Variants in RPS6KA2 observed in about 807,000 individuals in gnomAD.
RPS6KA2 encodes ribosomal protein S6 kinase alpha-2.
In RPS6KA2, 42 loss-of-function variants were observed where a neutral mutation model predicts 91.8. That is an observed-to-expected ratio of 0.46 (90% CI 0.36 to 0.59). The LOEUF (loss-of-function observed/expected upper bound fraction) is 0.59. Ranked by LOEUF, RPS6KA2 falls within the 20% of genes least tolerant of loss-of-function variation. RPS6KA2 has a pLI of 0.00. For missense variants in RPS6KA2, 798 were observed against 978.5 expected, an observed-to-expected ratio of 0.82 and a Z score of 2.46; for synonymous variants, 414 against 393.6, an observed-to-expected ratio of 1.05 and a Z score of -0.61.
intron 2 of RPS6KA2, among the ~76,000 whole-genome samples, chr6:166,537,136 A>T (rs1475504803): frequency 6.6e-6 from 1 of 152,258 alleles, no homozygotes; most frequent in African/African-American, 2.4e-5. Context: ...CATGGGATGT[A>T]TTCCAGCGCT....
chr6:166,631,658 G>A (rs529564927), upstream of RPS6KA2, among the ~76,000 whole-genome samples: 21 of 152,268 alleles, frequency 1.4e-4, no homozygotes, highest in East Asian at 3.3e-3. Flanking sequence ...CTCTGCCTGG[G>A]GCACTCTGGT....
chr6:166,488,437 T>C (rs1483705421), intron 10 of RPS6KA2, among the ~76,000 whole-genome samples: 2 of 152,186 alleles, frequency 1.3e-5, no homozygotes, highest in Non-Finnish European at 2.9e-5. Flanking sequence ...GTAGTTAAAG[T>C]AGATCCTGAT....
At chr6:166,469,947 T>G in intron 10 of RPS6KA2, 42 bp from the exon 11 acceptor site, 141 of 1,536,148 alleles carry the variant, frequency 9.2e-5, no homozygotes, top group Non-Finnish European at 1.1e-4. Context: ...AAATCCAAGA[T>G]GGGGTTCTCT....
intron 1 of RPS6KA2, among the ~76,000 whole-genome samples, chr6:166,621,495 T>G (rs569804957): frequency 3.9e-5 from 6 of 152,340 alleles, no homozygotes; most frequent in Non-Finnish European, 5.9e-5. Flanking sequence ...TTGTTGATAA[T>G]TTTTACTTAT....
chr6:166,714,687 A>G (rs558422930), intron 2 of RPS6KA2, among the ~76,000 whole-genome samples: 1 of 152,186 alleles, frequency 6.6e-6, no homozygotes. Context: ...AGAAGCAAAG[A>G]GAAGGGCCTG....
At chr6:166,757,580 T>C (rs1287865800) in intron 2 of RPS6KA2, 1 of 456,294 alleles carries the variant, frequency 2.2e-6, no homozygotes, top group South Asian at 1.5e-5. Context: ...ATCATCATGA[T>C]GCACTCCCCA....
At chr6:166,786,864 T>C (rs1583117576) in intron 2 of RPS6KA2, among the ~76,000 whole-genome samples, 2 of 152,306 alleles carry the variant, frequency 1.3e-5, no homozygotes, top group East Asian at 3.9e-4. Context: ...CAGTTCCACA[T>C]TTTTGATCCT....
Position 166,433,781 on chromosome 6 carries a change from G to A in RPS6KA2, c.1333-1291C>T, listed in dbSNP as rs114495800. Among the ~76,000 whole-genome samples, 2,591 of 152,126 alleles carry A rather than the reference G, an allele frequency of 0.017. 83 individuals carry two copies. The highest frequency in any genetic ancestry group is 0.06 in the African/African-American group (2,475 of 41,456). On this transcript the variant is annotated intron_variant, in intron 14 of 20. Transcript: ENST00000265678. The surrounding 1 kb of genome is among the most constrained non-coding windows in gnomAD (Gnocchi z 4.4). ...TTCGTTAATTTTTTTTGGAGACAGG[G>A]TCTCACTCTGTTGCCTAGGTTGGAA...
rs954333811 is a variant in RPS6KA2, at chr6:166,821,383, G to A, written c.123+36817C>T. ...TTAGCAGCTCAGGCCCTGTGGGTGCGCTTCACATGCGTGGGGCTGTAGGAT... is the reference window on the plus strand; with the variant it reads ...TTAGCAGCTCAGGCCCTGTGGGTGCACTTCACATGCGTGGGGCTGTAGGAT... On this transcript the variant is annotated intron_variant, in intron 2 of 21. Coordinates refer to the RPS6KA2 transcript ENST00000503859. The surrounding 1 kb of genome is among the most constrained non-coding windows in gnomAD (Gnocchi z 4.1). Among the ~76,000 whole-genome samples the A allele has an allele frequency of 5.3e-5, 8 of 152,218 alleles. No homozygotes were observed. The highest frequency in any genetic ancestry group is 8.8e-5 in the Non-Finnish European group (6 of 68,010).
At position 166,437,235 on chromosome 6, in the gene RPS6KA2, A is replaced by C. The variant is rs914242561; in HGVS notation, c.1333-4745T>G. Among the ~76,000 whole-genome samples the C allele has an allele frequency of 6.6e-6, 1 of 151,984 alleles. No homozygotes were observed. The highest frequency in any genetic ancestry group is 1.5e-5 in the Non-Finnish European group (1 of 67,988). On this transcript the variant is annotated intron_variant, in intron 14 of 20. Transcript: ENST00000265678. The surrounding 1 kb of genome is among the most constrained non-coding windows in gnomAD (Gnocchi z 4.3). ...GTGGGCCCCAAGTGCCTGCCAGCGCACTTCTTCTCTATGGGGTCGGTTTCT... is the reference window on the plus strand; with the variant it reads ...GTGGGCCCCAAGTGCCTGCCAGCGCCCTTCTTCTCTATGGGGTCGGTTTCT...
chr6:166,760,164 T>G (rs1254354151), intron 2 of RPS6KA2, among the ~76,000 whole-genome samples: 1 of 152,210 alleles, frequency 6.6e-6, no homozygotes, highest in Non-Finnish European at 1.5e-5. Context: ...GATGCGTAGC[T>G]CATGTAGGGC....
intron 2 of RPS6KA2, among the ~76,000 whole-genome samples, chr6:166,744,662 C>G (rs1175110006): frequency 1.3e-5 from 2 of 152,214 alleles, no homozygotes; most frequent in Admixed American, 1.3e-4. Flanking sequence ...CCCTTCAGAC[C>G]TCTGCAACAT....
At chr6:166,776,655 G>A (rs1347015410) in intron 2 of RPS6KA2, among the ~76,000 whole-genome samples, 4 of 152,316 alleles carry the variant, frequency 2.6e-5, no homozygotes, top group Non-Finnish European at 4.4e-5. Context: ...AGACAGAACC[G>A]CACAGCGTGG....
At chr6:166,791,176 A>G (rs1187117876) in intron 2 of RPS6KA2, among the ~76,000 whole-genome samples, 2 of 152,192 alleles carry the variant, frequency 1.3e-5, no homozygotes, top group Non-Finnish European at 2.9e-5. Flanking sequence ...AAGATCTACC[A>G]AGCAAATGGA....
chr6:166,840,352 C>A (rs557563046), intron 2 of RPS6KA2, among the ~76,000 whole-genome samples: 4 of 152,144 alleles, frequency 2.6e-5, no homozygotes, highest in Non-Finnish European at 4.4e-5. Context: ...TGTGAGAGTG[C>A]GACGGCCTTC....
intron 2 of RPS6KA2, among the ~76,000 whole-genome samples, chr6:166,831,147 C>T (rs1216357336): frequency 1.3e-5 from 2 of 152,118 alleles, no homozygotes; most frequent in African/African-American, 4.8e-5. Context: ...CCTCCTGGGC[C>T]ATCCACACTG....
chr6:166,447,217 T>G (rs992440298), intron 14 of RPS6KA2, among the ~76,000 whole-genome samples: 5 of 152,110 alleles, frequency 3.3e-5, no homozygotes, highest in African/African-American at 1.2e-4. Flanking sequence ...ACACCACGGG[T>G]GGACATTCTA....
intron 2 of RPS6KA2, among the ~76,000 whole-genome samples, chr6:166,831,856 T>C (rs1331895597): frequency 6.6e-6 from 1 of 151,446 alleles, no homozygotes; most frequent in Non-Finnish European, 1.5e-5. Flanking sequence ...GATATATAGA[T>C]ACATATATAC....
intron 2 of RPS6KA2, among the ~76,000 whole-genome samples, chr6:166,729,977 C>T (rs1019572707): frequency 3.9e-5 from 6 of 152,070 alleles, no homozygotes; most frequent in East Asian, 1.9e-4. Context: ...CACCTTTTTT[C>T]GTAACTGGTC....
Sources: gnomAD v4.1 joint callset for allele counts (sites outside exome capture counted in the v4.1 genomes callset) on GRCh38, gnomAD v4.1.1 for gene constraint, Gnocchi (gnomAD v3.1) non-coding constraint, MANE v1.5 for transcripts, NCBI Gene and HGNC (gene_info 2026-07-23, HGNC 2026-07-21) for gene names.